HCN1: variants seen among roughly 807,000 people sequenced by gnomAD.
The protein encoded by HCN1 is potassium/sodium hyperpolarization-activated cyclic nucleotide-gated channel 1.
Under a neutral mutation model 78.9 loss-of-function variants are expected in HCN1, and 13 were observed. The observed-to-expected ratio is 0.16, with a 90% confidence interval of 0.11 to 0.26. The LOEUF (loss-of-function observed/expected upper bound fraction) is 0.26, where lower values mean the gene tolerates loss of function less well. Ranked by LOEUF, HCN1 falls within the 10% of genes least tolerant of loss-of-function variation. The pLI is 1.00. For missense variants in HCN1, 810 were observed against 1,154.3 expected, an observed-to-expected ratio of 0.70 and a Z score of 4.32; for synonymous variants, 552 against 455.5, an observed-to-expected ratio of 1.21 and a Z score of -2.70.
intron 2 of HCN1, among the ~76,000 whole-genome samples, chr5:45,587,950 G>A (rs1434997579): frequency 6.6e-6 from 1 of 151,996 alleles, no homozygotes; most frequent in Non-Finnish European, 1.5e-5. Flanking sequence ...TTTTATATGA[G>A]AATGCAGATA....
At chr5:45,441,863 C>T (rs1041266298) in intron 3 of HCN1, among the ~76,000 whole-genome samples, 10 of 152,086 alleles carry the variant, frequency 6.6e-5, no homozygotes, top group African/African-American at 2.4e-4. Flanking sequence ...AGACAGGAGA[C>T]ATTAACTTTA....
chr5:45,494,572 T>G (rs1191581910), intron 2 of HCN1, among the ~76,000 whole-genome samples: 1 of 152,162 alleles, frequency 6.6e-6, no homozygotes, highest in South Asian at 2.1e-4. Context: ...CTGATGGTAG[T>G]TTCTTTTGCT....
intron 1 of HCN1, among the ~76,000 whole-genome samples, chr5:45,682,551 C>T (rs1223142261): frequency 6.6e-6 from 1 of 151,344 alleles, no homozygotes. Flanking sequence ...TTTATTTTTT[C>T]AAATTTATTA....
chr5:45,360,917 A>AT (rs1747094952), intron 4 of HCN1, among the ~76,000 whole-genome samples: 2 of 152,076 alleles, frequency 1.3e-5, no homozygotes, highest in South Asian at 4.1e-4. Flanking sequence ...CAAAACATAG[A>AT]TTTTTCTATG....
intron 4 of HCN1, among the ~76,000 whole-genome samples, chr5:45,357,487 T>C (rs1009685628): frequency 3.9e-5 from 6 of 152,108 alleles, no homozygotes; most frequent in African/African-American, 1.4e-4. Context: ...CTGAAATTCT[T>C]AGAAAACATT....
intron 2 of HCN1, among the ~76,000 whole-genome samples, chr5:45,593,208 ACG>A (rs768359466): frequency 2.9e-3 from 277 of 93,976 alleles, no homozygotes; most frequent in Non-Finnish European, 6.2e-3. Context: ...GCATGCACGC[ACG>A]CGCACACACA....
At chr5:45,663,664 T>C (rs1350532886) in intron 1 of HCN1, among the ~76,000 whole-genome samples, 1 of 151,472 alleles carries the variant, frequency 6.6e-6, no homozygotes, top group Non-Finnish European at 1.5e-5. Context: ...AACAGACACT[T>C]CTCAAGAGAA....
At chr5:45,314,979 C>G (rs1745947676) in intron 5 of HCN1, among the ~76,000 whole-genome samples, 1 of 152,104 alleles carries the variant, frequency 6.6e-6, no homozygotes, top group Non-Finnish European at 1.5e-5. Flanking sequence ...ACTTTAACAT[C>G]CCACTGTCAA....
intron 2 of HCN1, among the ~76,000 whole-genome samples, chr5:45,487,234 T>C (rs1211359653): frequency 6.6e-6 from 1 of 152,132 alleles, no homozygotes; most frequent in South Asian, 2.1e-4. Flanking sequence ...TTTTGATTAA[T>C]ATACTTAAAC....
In HCN1 at chr5:45,508,618, G is replaced by A. The variant is rs371286605; in HGVS notation, c.850-46611C>T. On this transcript the variant is annotated intron_variant, in intron 2 of 7. Transcript: ENST00000303230. ...TGCCACTGAAAAGCTTCAAAACTCA[G>A]GGCACTCTCAATGAAAAAAACTGAC... Among the ~76,000 whole-genome samples, 8 of 152,094 alleles carry A rather than the reference G, an allele frequency of 5.3e-5. 1 individual carries two copies.
intron 4 of HCN1, among the ~76,000 whole-genome samples, chr5:45,355,866 A>C (rs1164541367): frequency 6.6e-6 from 1 of 152,046 alleles, no homozygotes; most frequent in African/African-American, 2.4e-5. Flanking sequence ...AAAGGAATCT[A>C]TTCTAAGAAA....
intron 5 of HCN1, among the ~76,000 whole-genome samples, chr5:45,317,343 C>T (rs537197870): frequency 6.6e-6 from 1 of 152,244 alleles, no homozygotes; most frequent in Non-Finnish European, 1.5e-5. Context: ...ATAAACGGTG[C>T]TAGGAAAACT....
intron 3 of HCN1, among the ~76,000 whole-genome samples, chr5:45,409,362 T>C (rs1004765896): frequency 6.6e-6 from 1 of 152,152 alleles, no homozygotes; most frequent in Middle Eastern, 3.4e-3. Flanking sequence ...TATTAAAATC[T>C]AATGCTTAGA....
chr5:45,488,864 A>G (rs903794386), intron 2 of HCN1, among the ~76,000 whole-genome samples: 9 of 152,168 alleles, frequency 5.9e-5, no homozygotes, highest in Non-Finnish European at 1.2e-4. Context: ...AATTGTGTCA[A>G]GAAACTGAGG....
intron 2 of HCN1, 177 bp downstream of exon 2, chr5:45,645,008 T>C: frequency 1.8e-6 from 1 of 560,440 alleles, no homozygotes; most frequent in South Asian, 2.6e-5. Flanking sequence ...ATCCATTATT[T>C]GATCATATAT....
At chr5:45,379,977 T>C (rs1747770208) in intron 4 of HCN1, among the ~76,000 whole-genome samples, 1 of 152,018 alleles carries the variant, frequency 6.6e-6, no homozygotes. Context: ...TGTAAATATA[T>C]TCAATATATA....
chr5:45,548,865 G>C (rs556126674), intron 2 of HCN1, among the ~76,000 whole-genome samples: 2 of 151,696 alleles, frequency 1.3e-5, no homozygotes, highest in South Asian at 4.2e-4. Flanking sequence ...GACAAACAGA[G>C]AGCCAAATCA....
chr5:45,589,479 G>A (rs147356641), intron 2 of HCN1, among the ~76,000 whole-genome samples: 87 of 152,296 alleles, frequency 5.7e-4, no homozygotes, highest in African/African-American at 1.9e-3. Flanking sequence ...TAGCCCATGT[G>A]TGGAGAATTG....
rs138431591 is a variant in HCN1, at chr5:45,465,345, G to C, written c.850-3338C>G. 1.4e-4 allele frequency among the ~76,000 whole-genome samples: 22 copies of C among 152,196 alleles called. 1 individual carries two copies. The East Asian group carries it at 4.3e-3, about 29-fold the overall frequency. ...CCTAACCTCAGGTTAGGGTAACAGG[G>C]TAAGAGGGCTCAGGGTTGGGGTAAC... On this transcript the variant is annotated intron_variant, in intron 2 of 7. Transcript: ENST00000303230.
Sources: gnomAD v4.1 joint callset for allele counts (sites outside exome capture counted in the v4.1 genomes callset) on GRCh38, gnomAD v4.1.1 for gene constraint, MANE v1.5 for transcripts, NCBI Gene and HGNC (gene_info 2026-07-23, HGNC 2026-07-21) for gene names.